The following ZC3H7B variants were observed in gnomAD, a reference collection of about 807,000 sequenced individuals.
ZC3H7B encodes zinc finger CCCH-type containing 7B.
In ZC3H7B, 35 loss-of-function variants were observed where a neutral mutation model predicts 116.0. The ratio of observed to expected loss-of-function variants is 0.30; its 90% confidence interval spans 0.23 to 0.40. The LOEUF (loss-of-function observed/expected upper bound fraction) is 0.40. Among genes scored for constraint, ZC3H7B ranks in the 10% least tolerant of loss-of-function variants. The pLI, the probability that ZC3H7B is intolerant of heterozygous loss-of-function variation, is 1.00. For missense variants in ZC3H7B, 1,011 were observed against 1,321.5 expected (o/e 0.77, Z 3.64); for synonymous variants, 502 against 545.6 (o/e 0.92, Z 1.11).
chr22:41,349,078 C>T lies in ZC3H7B; in HGVS notation c.1767-42C>T. 6.2e-7 allele frequency: 1 copy of T among 1,601,988 alleles called. No homozygotes were observed. The highest frequency in any genetic ancestry group is 8.5e-7 in the Non-Finnish European group (1 of 1,173,684). On this transcript the variant is annotated intron_variant, in intron 15 of 22. Transcript: ENST00000352645. This position sits in a 1 kb window ranked among gnomAD's most constrained non-coding sequence, Gnocchi z 4.9. ...CTACCAGGAGAGAAGGTCAGAGGGG[C>T]TGCGGACTGCATCGTGCCCCTCCTG...
chr22:41,327,278 T>C lies in ZC3H7B; in HGVS notation c.358T>C (p.Phe120Leu). The C allele has an allele frequency of 6.2e-7, 1 of 1,614,002 alleles. No homozygotes were observed. The highest frequency in any genetic ancestry group is 8.5e-7 in the Non-Finnish European group (1 of 1,180,034). The part of the protein sequence containing the change: ...GLDSESIRAL[F>L]RKARALNELG... ...GGACAGTGAGAGTATCCGGGCGTTG[T>C]TCCGCAAGGCACGCGCTCTCAATGA... is the stretch of plus-strand genomic sequence containing the variant. Residue 120 changes from phenylalanine to leucine, a missense_variant, in exon 5 of 23, where the codon TTC becomes CTC. This residue lies in a region of ZC3H7B where 322 missense variants were observed against 443.9 expected (regional missense o/e 0.73). Coordinates refer to ENST00000352645, the MANE Select transcript of ZC3H7B (RefSeq NM_017590.6). The surrounding 1 kb of genome is among the most constrained non-coding windows in gnomAD (Gnocchi z 4.5).
intron 1 of ZC3H7B, among the ~76,000 whole-genome samples, chr22:41,309,399 G>A (rs151122135): frequency 0.017 from 2,594 of 150,058 alleles, 74 homozygotes; most frequent in African/African-American, 0.06. Flanking sequence ...CTGCAATCTT[G>A]ACCTCCTGGG....
chr22:41,357,693 G>A lies in ZC3H7B; in HGVS notation c.*264G>A, dbSNP rs2036741365. On this transcript the variant is annotated 3_prime_UTR_variant, in exon 23 of 23. Coordinates refer to ENST00000352645, the MANE Select transcript of ZC3H7B (RefSeq NM_017590.6). The surrounding 1 kb of genome is among the most constrained non-coding windows in gnomAD (Gnocchi z 5.4). ...ACGGCTCTCCTGGTTGAGGAGGGAG[G>A]GGCCTGGCTGACCCCTCCAGCTTCA... 7.4e-6 allele frequency: 4 copies of A among 542,838 alleles called. No individual in the cohort carries two copies. The South Asian group carries it at 9.4e-5, about 13-fold the overall frequency. 33.6% of individuals were successfully genotyped at this position (542,838 alleles called of 1,614,324 possible). A position where few individuals can be genotyped will look rare whatever the true frequency, so the allele number is the denominator to read the frequency against.
intron 17 of ZC3H7B, among the ~76,000 whole-genome samples, chr22:41,354,418 G>A (rs1283774138): frequency 6.6e-6 from 1 of 152,214 alleles, no homozygotes; most frequent in Non-Finnish European, 1.5e-5. Context: ...CACCAGGCCA[G>A]GGGTCAGTCA....
At chr22:41,305,369 G>T (rs1252848219) in intron 1 of ZC3H7B, among the ~76,000 whole-genome samples, 1 of 151,482 alleles carries the variant, frequency 6.6e-6, no homozygotes, top group Non-Finnish European at 1.5e-5. Flanking sequence ...AATTAGCTGG[G>T]CATGCTGGTG....
rs2036587577 is a variant in ZC3H7B, at chr22:41,346,541, T to C, written c.1665+333T>C. Among the ~76,000 whole-genome samples the C allele has an allele frequency of 6.6e-6, 1 of 152,210 alleles. No homozygotes were observed. Among genetic ancestry groups the C allele is most frequent in the South Asian group, 2.1e-4 (1 of 4,830 alleles). On this transcript the variant is annotated intron_variant, in intron 14 of 22. Coordinates refer to ENST00000352645, the MANE Select transcript of ZC3H7B (RefSeq NM_017590.6). The surrounding 1 kb of genome is among the most constrained non-coding windows in gnomAD (Gnocchi z 5.3). Reference sequence around the variant, plus strand: ...TTTTCGTTTCTCATTCCTAGCCTGATGCAGTGGCTCACGCCTGTAATCCCA... The same window carrying C: ...TTTTCGTTTCTCATTCCTAGCCTGACGCAGTGGCTCACGCCTGTAATCCCA...
At chr22:41,313,431 C>CA (rs1432295724) in intron 1 of ZC3H7B, among the ~76,000 whole-genome samples, 7 of 152,138 alleles carry the variant, frequency 4.6e-5, no homozygotes, top group Non-Finnish European at 8.8e-5. Context: ...ATGCCCTTAC[C>CA]AAAGCCAATC....
At chr22:41,321,375 C>G (rs1380032996) in intron 2 of ZC3H7B, among the ~76,000 whole-genome samples, 1 of 152,032 alleles carries the variant, frequency 6.6e-6, no homozygotes, top group Non-Finnish European at 1.5e-5. Context: ...GCCACCATGC[C>G]TGGCTAATTT....
intron 1 of ZC3H7B, among the ~76,000 whole-genome samples, chr22:41,314,417 A>T (rs1363936749): frequency 6.6e-6 from 1 of 151,852 alleles, no homozygotes; most frequent in Non-Finnish European, 1.5e-5. Flanking sequence ...TCAGCCTCCC[A>T]AAGTGCTGGG....
At chr22:41,348,295 T>A in intron 15 of ZC3H7B, 128 bp downstream of exon 15, 2 of 761,010 alleles carry the variant, frequency 2.6e-6, no homozygotes, top group Admixed American at 4.9e-5. Flanking sequence ...GGGCAGAATT[T>A]GGGAATCAAA....
At chr22:41,354,084 G>GACTATGCTATGCCAC (rs1476279019) in intron 17 of ZC3H7B, among the ~76,000 whole-genome samples, 2 of 152,218 alleles carry the variant, frequency 1.3e-5, no homozygotes, top group Admixed American at 1.3e-4. Flanking sequence ...ATGGCAAGGA[G>GACTATGCTATGCCAC]CTGGTGAGAC....
Position 41,351,893 on chromosome 22 carries a change from G to A in ZC3H7B, c.2034+247G>A, listed in dbSNP as rs1276524847. Among the ~76,000 whole-genome samples, 2 of 152,040 alleles carry A rather than the reference G, an allele frequency of 1.3e-5. No homozygotes were observed. The highest frequency in any genetic ancestry group is 2.9e-5 in the Non-Finnish European group (2 of 68,006). On this transcript the variant is annotated intron_variant, in intron 17 of 22. Coordinates refer to ENST00000352645, the MANE Select transcript of ZC3H7B (RefSeq NM_017590.6). The surrounding 1 kb of genome is among the most constrained non-coding windows in gnomAD (Gnocchi z 5.1). The stretch of plus-strand genomic sequence containing the variant: ...CCTGGAGTGCAGTGGTATGATCATG[G>A]CCCACTGCAGCTTCCACCTCCTGGT...
intron 1 of ZC3H7B, among the ~76,000 whole-genome samples, chr22:41,315,099 T>C (rs1176527253): frequency 6.6e-6 from 1 of 151,862 alleles, no homozygotes; most frequent in Admixed American, 6.6e-5. Flanking sequence ...CTTTTTGTTC[T>C]TTGAGACAGG....
At chr22:41,356,905 G>C in intron 22 of ZC3H7B, 97 bp downstream of exon 22, 1 of 1,555,446 alleles carries the variant, frequency 6.4e-7, no homozygotes, top group South Asian at 1.2e-5. Flanking sequence ...GAGGTGGTGT[G>C]CAGGGAGTGG....
At chr22:41,326,583 C>T (rs1239475357) in intron 4 of ZC3H7B, among the ~76,000 whole-genome samples, 1 of 152,144 alleles carries the variant, frequency 6.6e-6, no homozygotes, top group Admixed American at 6.6e-5. Flanking sequence ...ATAGCCTCAG[C>T]CTCCTGTTTC....
In ZC3H7B at chr22:41,340,204, G is replaced by T. The variant is rs189642535; in HGVS notation, c.1138+67G>T. 250 of 1,479,522 alleles carry T rather than the reference G, an allele frequency of 1.7e-4. 1 individual carries two copies. The African/African-American group carries it at 3.1e-3, about 18-fold the overall frequency. The allele number at this position is 1,479,522 out of a possible 1,614,324, so 91.6% of individuals were successfully genotyped here. ...TGCACAGTGCTGTGGCCTCTTTGGT[G>T]CCTGGAGAGTGGAGTTGAGTTACAG... On this transcript the variant is annotated intron_variant, in intron 10 of 22. Transcript: ENST00000352645.
At chr22:41,337,803 C>T (rs1471448597) in intron 7 of ZC3H7B, among the ~76,000 whole-genome samples, 2 of 152,124 alleles carry the variant, frequency 1.3e-5, no homozygotes, top group South Asian at 2.1e-4. Context: ...CCCATGCCCC[C>T]ACCTGCTGGC....
chr22:41,319,427 G>A lies in ZC3H7B; in HGVS notation c.-6-1228G>A, dbSNP rs371109300. On this transcript the variant is annotated intron_variant, in intron 1 of 22. Coordinates refer to ENST00000352645, the MANE Select transcript of ZC3H7B (RefSeq NM_017590.6). Reference sequence around the variant, plus strand: ...AAAAAAAACAAAGCAAAAAGTAGCCGGGCATAGTGGCAAGTGCTTATAGTC... The same window carrying A: ...AAAAAAAACAAAGCAAAAAGTAGCCAGGCATAGTGGCAAGTGCTTATAGTC... 4.6e-5 allele frequency among the ~76,000 whole-genome samples: 7 copies of A among 151,070 alleles called. No homozygotes were observed. The East Asian group carries it at 9.8e-4, about 21-fold the overall frequency.
intron 2 of ZC3H7B, among the ~76,000 whole-genome samples, chr22:41,324,111 G>C (rs962819996): frequency 1.3e-5 from 2 of 152,094 alleles, no homozygotes; most frequent in Non-Finnish European, 2.9e-5. Context: ...ACCTATGAAA[G>C]GTAGAGTTGA....
Sources: gnomAD v4.1 joint callset for allele counts (sites outside exome capture counted in the v4.1 genomes callset) on GRCh38, gnomAD v4.1.1 for gene constraint, gnomAD v4.1.1 regional missense constraint, Gnocchi (gnomAD v3.1) non-coding constraint, MANE v1.5 for transcripts, NCBI Gene and HGNC (gene_info 2026-07-23, HGNC 2026-07-21) for gene names.